Variants in ASB16 observed in about 807,000 individuals in gnomAD.
ASB16 encodes ankyrin repeat and SOCS box protein 16.
Under a neutral mutation model 39.1 loss-of-function variants are expected in ASB16, and 44 were observed. That is an observed-to-expected ratio of 1.13 (90% confidence interval 0.88 to 1.45). ASB16 has a LOEUF of 1.45. Among genes scored for constraint, ASB16 ranks in the 40% most tolerant of loss-of-function variants. The pLI is 0.00. For missense variants in ASB16, 698 were observed against 634.5 expected, an observed-to-expected ratio of 1.10 and a Z score of -1.07; for synonymous variants, 305 against 286.7, an observed-to-expected ratio of 1.06 and a Z score of -0.64.
intron 2 of ASB16, among the ~76,000 whole-genome samples, chr17:44,174,165 G>A (rs992732989): frequency 1.1e-4 from 16 of 149,542 alleles, no homozygotes; most frequent in Non-Finnish European, 1.6e-4. Flanking sequence ...TGAGCCTCCC[G>A]AGTAACTGGG....
rs770919452 is a variant in ASB16 at position 44,178,215 on chromosome 17, C to A, written c.1187C>A (p.Ala396Asp). 1.2e-6 allele frequency: 2 copies of A among 1,613,214 alleles called. No individual in the cohort carries two copies. Among genetic ancestry groups the A allele is most frequent in the South Asian group, 2.2e-5 (2 of 91,074 alleles). Residue 396 changes from alanine (A) to aspartate (D), a missense_variant, in exon 5 of 5, where the codon GCC (alanine) becomes GAC (aspartate). Coordinates refer to ENST00000293414, the MANE Select transcript of ASB16 (RefSeq NM_080863.5). Reference sequence around the variant, plus strand: ...TCACTCCTGGCCTAGGAGCACGAAGCCTTCTACAGCTCGGCCCTGTGCATG... The same window carrying A: ...TCACTCCTGGCCTAGGAGCACGAAGACTTCTACAGCTCGGCCCTGTGCATG... ...VLPELWKEHEAFYSSALCMVN... is the reference protein window; with the variant it reads ...VLPELWKEHEDFYSSALCMVN...
rs10583057 is a variant in ASB16, at chr17:44,175,400, TAAAAAAAAAAAAA to T, written c.570-1321_570-1309del. ...CTGGGCAACAGAATGAGACTCCATC[TAAAAAAAAAAAAA>T]AAAAAAAAAAAAAAAATTAGTATTT... On this transcript the variant is annotated intron_variant, in intron 2 of 4. Coordinates refer to ENST00000293414, the MANE Select transcript of ASB16 (RefSeq NM_080863.5). Among the ~76,000 whole-genome samples, 10 of 56,264 alleles carry T rather than the reference TAAAAAAAAAAAAA, an allele frequency of 1.8e-4. No homozygotes were observed. The South Asian group carries it at 3.6e-3, about 20-fold the overall frequency. The allele number at this position is 56,264 out of a possible 152,430, so 36.9% of individuals were successfully genotyped here.
rs1263115592 is a variant in ASB16 at position 44,178,729 on chromosome 17, A to C, written c.*339A>C. On this transcript the variant is annotated 3_prime_UTR_variant, in exon 5 of 5. Coordinates refer to ENST00000293414, the MANE Select transcript of ASB16 (RefSeq NM_080863.5). ...GGTGATCCACCCGCCTTGGCCTCCC[A>C]AAGTGTTGGGATTACAGGCATGAGC... 9.8e-6 allele frequency: 3 copies of C among 306,288 alleles called. No homozygotes were observed. The highest frequency in any genetic ancestry group is 9.7e-5 in the Admixed American group (2 of 20,552). The allele number at this position is 306,288 out of a possible 1,614,324, so 19.0% of individuals were successfully genotyped here.
Position 44,176,814 on chromosome 17 carries a change from G to C in ASB16, c.646G>C (p.Val216Leu). ...AGESQETPLH[V>L]AAARGLEQHV... ...CGAGAGCCAGGAGACGCCCCTGCAC[G>C]TGGCGGCGGCGCGCGGCCTGGAGCA... Residue 216 changes from valine to leucine, a missense_variant, in exon 3 of 5, where the codon GTG becomes CTG. Physicochemically the swap from Val to Leu is conservative, Grantham distance 32. Transcript: ENST00000293414. 3 of 1,612,698 alleles carry C rather than the reference G, an allele frequency of 1.9e-6. No individual in the cohort carries two copies. The highest frequency in any genetic ancestry group is 2.5e-6 in the Non-Finnish European group (3 of 1,179,378).
At chr17:44,174,182 G>A (rs1174315910) in intron 2 of ASB16, among the ~76,000 whole-genome samples, 2 of 151,752 alleles carry the variant, frequency 1.3e-5, no homozygotes, top group Admixed American at 1.3e-4. Context: ...TGGGACTACA[G>A]GCTCCCGCCA....
At position 44,177,566 on chromosome 17, in the gene ASB16, G is replaced by T. The variant is rs763815339; in HGVS notation, c.1063-43G>T. The stretch of plus-strand genomic sequence containing the variant: ...TGAGGCAAGACTTGGGTCTGCCCTC[G>T]GGTGGGGGAGGCATGTGCCCAAGAC... On this transcript the variant is annotated intron_variant, in intron 3 of 4. Transcript: ENST00000293414. The T allele has an allele frequency of 4.4e-6, 7 of 1,599,016 alleles. No homozygotes were observed. The East Asian group carries it at 1.1e-4, about 26-fold the overall frequency.
chr17:44,171,211 C>A, intron 1 of ASB16, 121 bp downstream of exon 1: 4 of 1,030,066 alleles, frequency 3.9e-6, no homozygotes, highest in Non-Finnish European at 4.2e-6. Flanking sequence ...CTTTCCACCA[C>A]CTATCCTAGC....
chr17:44,176,854 A>G lies in ASB16; in HGVS notation c.686A>G (p.Tyr229Cys), dbSNP rs1181137194. Residue 229 changes from tyrosine to cysteine, a missense_variant, in exon 3 of 5, where the codon TAC (tyrosine) becomes TGC (cysteine). By Grantham distance (194) the Tyr-to-Cys change is radical. Transcript: ENST00000293414. ...GGCCTGGAGCAACATGTGGCTCTGTACCTGGAGCATGGCGCCGACGTGGGC... is the reference window on the plus strand; with the variant it reads ...GGCCTGGAGCAACATGTGGCTCTGTGCCTGGAGCATGGCGCCGACGTGGGC... ...ARGLEQHVAL[Y>C]LEHGADVGLR... is the part of the protein sequence containing the mutation. The G allele has an allele frequency of 1.8e-5, 29 of 1,610,954 alleles. No homozygotes were observed. The highest frequency in any genetic ancestry group is 2.4e-5 in the Non-Finnish European group (28 of 1,178,982).
chr17:44,175,834 CTTTGGT>C (rs1380490784), intron 2 of ASB16: 2 of 151,984 alleles, frequency 1.3e-5, no homozygotes, highest in Non-Finnish European at 2.9e-5. Context: ...TTTGTTTTTC[CTTTGGT>C]TTTGTTTGTT....
intron 2 of ASB16, 144 bp from the exon 3 acceptor site, chr17:44,176,594 T>C: frequency 4.2e-6 from 5 of 1,186,258 alleles, no homozygotes; most frequent in Admixed American, 3.4e-5. Flanking sequence ...CTGTTGTCTG[T>C]AGCGGGGCTT....
chr17:44,175,565 T>C (rs891494214), intron 2 of ASB16, among the ~76,000 whole-genome samples: 3 of 152,116 alleles, frequency 2.0e-5, no homozygotes, highest in Non-Finnish European at 4.4e-5. Context: ...TGAGCAAGGA[T>C]TTTGGCCATT....
rs770060547 is a variant in ASB16, at chr17:44,178,566, A to C, written c.*176A>C. Reference sequence around the variant, plus strand: ...CGGCTCACTGCAACTTCTACCACCTAGGTTCAAGCGATTCTTGTGCCCCAA... The same window carrying C: ...CGGCTCACTGCAACTTCTACCACCTCGGTTCAAGCGATTCTTGTGCCCCAA... On this transcript the variant is annotated 3_prime_UTR_variant, in exon 5 of 5. Transcript: ENST00000293414. The C allele has an allele frequency of 4.4e-6, 3 of 677,650 alleles. No homozygotes were observed. The highest frequency in any genetic ancestry group is 7.3e-6 in the Non-Finnish European group (3 of 412,654). 42.0% of individuals were successfully genotyped at this position (677,650 alleles called of 1,614,324 possible). A position where few individuals can be genotyped will look rare whatever the true frequency, so the allele number is the denominator to read the frequency against.
In ASB16 at chr17:44,177,088, G is replaced by A; in HGVS notation, c.920G>A (p.Gly307Glu). Reference protein sequence around the residue: ...GGLAELLLRYGARAEVPNGAG... With the variant: ...GGLAELLLRYEARAEVPNGAG... ...CTGGCCGAGCTGCTGCTGCGTTACGGGGCCCGCGCTGAGGTCCCCAATGGG... is the reference window on the plus strand; with the variant it reads ...CTGGCCGAGCTGCTGCTGCGTTACGAGGCCCGCGCTGAGGTCCCCAATGGG... The change falls in exon 3 of 5, where the codon GGG becomes GAG. Residue 307 changes from glycine to glutamate, a missense_variant. Coordinates refer to ENST00000293414, the MANE Select transcript of ASB16 (RefSeq NM_080863.5). 1 of 1,476,200 alleles carries A rather than the reference G, an allele frequency of 6.8e-7. No individual in the cohort carries two copies. The highest frequency in any genetic ancestry group is 8.9e-7 in the Non-Finnish European group (1 of 1,124,630). The allele number at this position is 1,476,200 out of a possible 1,614,324, so 91.4% of individuals were successfully genotyped here.
rs1335344374 is a variant in ASB16 at position 44,177,607 on chromosome 17, A to C, written c.1063-2A>C. 5 of 1,613,158 alleles carry C rather than the reference A, an allele frequency of 3.1e-6. No homozygotes were observed. In the East Asian group the frequency reaches 1.1e-4, roughly 36 times the overall value. ...TGCCCAAGACCCTCTTTTGACCCCT[A>C]GATGCTGAAACACTGCGCCAACTTC... is the stretch of plus-strand genomic sequence containing the variant. On this transcript the variant is annotated splice_acceptor_variant, in intron 3 of 4. Coordinates refer to ENST00000293414, the MANE Select transcript of ASB16 (RefSeq NM_080863.5). LOFTEE classifies it high-confidence loss of function.
Position 44,177,237 on chromosome 17 carries a change from T to G in ASB16, c.1062+7T>G, listed in dbSNP as rs1018698280. ...GCAGCCAGTGCGCCCTGAGGTGCGC[T>G]GGGAGGCCCTGACATAGGAGGCTCC... On this transcript the variant is annotated splice_region_variant and intron_variant, in intron 3 of 4. Coordinates refer to ENST00000293414, the MANE Select transcript of ASB16 (RefSeq NM_080863.5). 60 of 1,530,578 alleles carry G rather than the reference T, an allele frequency of 3.9e-5. No homozygotes were observed. The highest frequency in any genetic ancestry group is 5.0e-5 in the Non-Finnish European group (57 of 1,139,716). The allele number at this position is 1,530,578 out of a possible 1,614,324, so 94.8% of individuals were successfully genotyped here.
intron 2 of ASB16, among the ~76,000 whole-genome samples, chr17:44,173,862 G>A (rs1177497824): frequency 3.9e-5 from 6 of 151,976 alleles, no homozygotes; most frequent in Admixed American, 3.9e-4. Flanking sequence ...CCGATGTTAG[G>A]AAACACAGGG....
intron 3 of ASB16, 176 bp downstream of exon 3, chr17:44,177,406 G>A (rs959501987): frequency 9.3e-6 from 11 of 1,177,288 alleles, no homozygotes; most frequent in Middle Eastern, 2.9e-4. Context: ...GAGTCCAAGG[G>A]AGGGAAGAGC....
At position 44,176,843 on chromosome 17, in the gene ASB16, T is replaced by C; in HGVS notation, c.675T>C (p.His225=). ...HVAAARGLEQ[H]VALYLEHGAD... ...CGGCGGCGCGCGGCCTGGAGCAACA[T>C]GTGGCTCTGTACCTGGAGCATGGCG... Residue 225 remains histidine, a synonymous_variant, in exon 3 of 5, where the codon CAT becomes CAC. Transcript: ENST00000293414. 2 of 1,611,836 alleles carry C rather than the reference T, an allele frequency of 1.2e-6. No homozygotes were observed. Among genetic ancestry groups the C allele is most frequent in the South Asian group, 1.1e-5 (1 of 90,994 alleles).
In ASB16 at chr17:44,176,718, C is replaced by T. The variant is rs1048514470; in HGVS notation, c.570-20C>T. 34 of 1,613,858 alleles carry T rather than the reference C, an allele frequency of 2.1e-5. No individual in the cohort carries two copies. The highest frequency in any genetic ancestry group is 2.8e-5 in the Non-Finnish European group (33 of 1,179,886). On this transcript the variant is annotated intron_variant, in intron 2 of 4. Coordinates refer to ENST00000293414, the MANE Select transcript of ASB16 (RefSeq NM_080863.5). ...CAAGCCTTCAGGATTTTCCTCAGGA[C>T]CTTGCTCTCTTGTCCCCAGGTGCGC... is the stretch of plus-strand genomic sequence containing the variant.
Sources: allele counts gnomAD v4.1 joint callset (sites outside exome capture counted in the v4.1 genomes callset), GRCh38; gene constraint gnomAD v4.1.1; transcripts MANE v1.5; gene names NCBI Gene and HGNC (gene_info 2026-07-23, HGNC 2026-07-21).